MYOZ2: variants seen among roughly 807,000 people sequenced by gnomAD.
The protein encoded by MYOZ2 is myozenin 2, also known as myozenin-2.
Under a neutral mutation model 25.4 loss-of-function variants are expected in MYOZ2, and 19 were observed. The observed-to-expected ratio is 0.75, with a 90% CI of 0.52 to 1.10. The LOEUF (loss-of-function observed/expected upper bound fraction) is 1.10, where lower values mean the gene tolerates loss of function less well. Among genes scored for constraint, MYOZ2 ranks in the 50% least tolerant of loss-of-function variants. The pLI is 0.00. For synonymous variants in MYOZ2, 92 were observed against 106.9 expected (o/e 0.86, Z 0.86); for missense variants, 270 against 317.9 (o/e 0.85, Z 1.15).
intron 5 of MYOZ2, among the ~76,000 whole-genome samples, chr4:119,167,124 G>A (rs925083150): frequency 1.3e-5 from 2 of 152,216 alleles, no homozygotes; most frequent in African/African-American, 4.8e-5. Flanking sequence ...GAGATAAGCT[G>A]AAAGCTAGGC....
intron 5 of MYOZ2, among the ~76,000 whole-genome samples, chr4:119,169,194 T>C (rs1741896831): frequency 1.3e-5 from 2 of 152,244 alleles, no homozygotes; most frequent in African/African-American, 2.4e-5. Flanking sequence ...TTTTCAGACA[T>C]ATTGTTCTTA....
chr4:119,179,252 C>T (rs752242681), intron 5 of MYOZ2, among the ~76,000 whole-genome samples: 28 of 152,328 alleles, frequency 1.8e-4, no homozygotes, highest in Non-Finnish European at 3.4e-4. Flanking sequence ...CTGTTTCTTA[C>T]ATAATAGACT....
intron 5 of MYOZ2, 102 bp from the exon 6 acceptor site, chr4:119,185,864 A>C: frequency 1.1e-6 from 1 of 930,094 alleles, no homozygotes; most frequent in Non-Finnish European, 1.7e-6. Flanking sequence ...ATAATGAATT[A>C]AATACACCCA....
chr4:119,140,040 G>T (rs1741128194), intron 2 of MYOZ2, among the ~76,000 whole-genome samples: 1 of 152,044 alleles, frequency 6.6e-6, no homozygotes, highest in African/African-American at 2.4e-5. Flanking sequence ...TGGTACCAGG[G>T]GTCCTGGGTT....
At chr4:119,145,057 C>T (rs1030605682) in intron 2 of MYOZ2, among the ~76,000 whole-genome samples, 3 of 152,030 alleles carry the variant, frequency 2.0e-5, no homozygotes, top group African/African-American at 7.2e-5. Flanking sequence ...ATTTTTCTTC[C>T]TTAGCCCATT....
intron 2 of MYOZ2, among the ~76,000 whole-genome samples, chr4:119,145,575 T>A (rs1741274280): frequency 6.6e-6 from 1 of 151,234 alleles, no homozygotes; most frequent in African/African-American, 2.4e-5. Context: ...GGTTTCACCA[T>A]GTTGCTCAGG....
intron 2 of MYOZ2, among the ~76,000 whole-genome samples, chr4:119,139,083 TTGTTGCTCATTTTG>T (rs1282276271): frequency 1.2e-4 from 18 of 152,286 alleles, no homozygotes; most frequent in African/African-American, 4.3e-4. Flanking sequence ...CAACCCCAAA[TTGTTGCTCATTTTG>T]AATCCATTGT....
chr4:119,161,543 C>T (rs2149224451), intron 4 of MYOZ2, among the ~76,000 whole-genome samples: 1 of 152,080 alleles, frequency 6.6e-6, no homozygotes, highest in African/African-American at 2.4e-5. Context: ...GAAATGTAGA[C>T]ATATTGCATT....
At chr4:119,179,192 T>C (rs1742138750) in intron 5 of MYOZ2, among the ~76,000 whole-genome samples, 1 of 152,204 alleles carries the variant, frequency 6.6e-6, no homozygotes, top group African/African-American at 2.4e-5. Flanking sequence ...CAGCTACATC[T>C]TGCAAGGCTT....
At chr4:119,145,114 TG>T (rs1201072831) in intron 2 of MYOZ2, among the ~76,000 whole-genome samples, 7 of 152,126 alleles carry the variant, frequency 4.6e-5, no homozygotes, top group Non-Finnish European at 8.8e-5. Flanking sequence ...GATACAGTAA[TG>T]TGATTTTTCT....
chr4:119,182,437 C>T (rs1391007180), intron 5 of MYOZ2, among the ~76,000 whole-genome samples: 2 of 151,870 alleles, frequency 1.3e-5, no homozygotes, highest in Non-Finnish European at 2.9e-5. Context: ...AAGGCAACTT[C>T]TAATAAGGAA....
intron 5 of MYOZ2, among the ~76,000 whole-genome samples, chr4:119,184,608 T>A (rs545997413): frequency 3.5e-4 from 54 of 152,374 alleles, no homozygotes; most frequent in African/African-American, 1.0e-3. Context: ...TGTATATGTT[T>A]ATGTTTAGGG....
intron 5 of MYOZ2, among the ~76,000 whole-genome samples, chr4:119,165,959 G>C (rs1469756995): frequency 2.6e-5 from 4 of 152,096 alleles, no homozygotes; most frequent in Admixed American, 2.0e-4. Context: ...ATATCAGTGA[G>C]CACAATACCA....
chr4:119,163,804 G>A (rs1053112567), intron 4 of MYOZ2, among the ~76,000 whole-genome samples: 49 of 152,176 alleles, frequency 3.2e-4, no homozygotes, highest in Non-Finnish European at 4.1e-4. Context: ...TCTGCATTGC[G>A]ATTTCCCCTA....
At chr4:119,177,353 G>T (rs2149228849) in intron 5 of MYOZ2, among the ~76,000 whole-genome samples, 1 of 152,282 alleles carries the variant, frequency 6.6e-6, no homozygotes, top group South Asian at 2.1e-4. Context: ...TAGTTTTGCT[G>T]TCTCCCCTTA....
intron 2 of MYOZ2, among the ~76,000 whole-genome samples, chr4:119,143,574 A>G (rs183531825): frequency 1.5e-3 from 222 of 152,358 alleles, no homozygotes; most frequent in African/African-American, 5.1e-3. Context: ...AGTTTACATT[A>G]GGATTCACTC....
chr4:119,181,611 T>C (rs1436923620), intron 5 of MYOZ2, among the ~76,000 whole-genome samples: 1 of 152,218 alleles, frequency 6.6e-6, no homozygotes, highest in Non-Finnish European at 1.5e-5. Flanking sequence ...AAAATAGCCA[T>C]TTGGTTTCCT....
At chr4:119,157,681 A>G (rs902588836) in intron 3 of MYOZ2, among the ~76,000 whole-genome samples, 2 of 152,194 alleles carry the variant, frequency 1.3e-5, no homozygotes, top group African/African-American at 4.8e-5. Context: ...GGATTCAAAA[A>G]TTAAATACAT....
chr4:119,161,823 A>G (rs1346532019), intron 4 of MYOZ2, among the ~76,000 whole-genome samples: 1 of 152,180 alleles, frequency 6.6e-6, no homozygotes. Flanking sequence ...ATAATATTAC[A>G]CTAGATGTTC....
Sources: gnomAD v4.1 joint callset for allele counts (sites outside exome capture counted in the v4.1 genomes callset) on GRCh38, gnomAD v4.1.1 for gene constraint, MANE v1.5 for transcripts, NCBI Gene and HGNC (gene_info 2026-07-23, HGNC 2026-07-21) for gene names.